THOC7: variants seen among roughly 807,000 people sequenced by gnomAD.
The protein encoded by THOC7 is THO complex subunit 7, also known as NIF3L1-binding protein 1.
Under a neutral mutation model 33.1 loss-of-function variants are expected in THOC7, and 22 were observed. The observed-to-expected ratio is 0.66, with a 90% CI of 0.47 to 0.95. The LOEUF (loss-of-function observed/expected upper bound fraction) is 0.95, where lower values mean the gene tolerates loss of function less well. Among genes scored for constraint, THOC7 ranks in the 40% least tolerant of loss-of-function variants. The pLI, the probability that THOC7 is intolerant of heterozygous loss-of-function variation, is 0.00. For synonymous variants in THOC7, 77 were observed against 76.8 expected, an observed-to-expected ratio of 1.00 and a Z score of -0.01; for missense variants, 184 against 245.3, an observed-to-expected ratio of 0.75 and a Z score of 1.67.
At chr3:63,847,928 T>A (rs1026366176) in intron 1 of THOC7, among the ~76,000 whole-genome samples, 1 of 152,060 alleles carries the variant, frequency 6.6e-6, no homozygotes, top group Non-Finnish European at 1.5e-5. Flanking sequence ...TAGGCCATGA[T>A]GGGAATGGGG....
chr3:63,839,837 T>A, intron 1 of THOC7, 64 bp from the exon 2 acceptor site: 1 of 1,305,558 alleles, frequency 7.7e-7, no homozygotes, highest in Non-Finnish European at 1.1e-6. Flanking sequence ...AAATAACCAG[T>A]ATCACTGTTC....
intron 1 of THOC7, among the ~76,000 whole-genome samples, chr3:63,850,358 A>G (rs548338151): frequency 6.6e-6 from 1 of 150,510 alleles, no homozygotes; most frequent in East Asian, 2.0e-4. Flanking sequence ...GTACCACCAC[A>G]CCCAGCTAAT....
At chr3:63,844,729 C>T (rs190870678) in intron 1 of THOC7, among the ~76,000 whole-genome samples, 3 of 152,294 alleles carry the variant, frequency 2.0e-5, no homozygotes, top group Admixed American at 6.5e-5. Context: ...CATGTGATAC[C>T]TTTTGCCATG....
At chr3:63,840,363 G>A (rs1701730814) in intron 1 of THOC7, among the ~76,000 whole-genome samples, 1 of 152,086 alleles carries the variant, frequency 6.6e-6, no homozygotes, top group Admixed American at 6.6e-5. Context: ...GGGTGGCTAA[G>A]GGAGTATCAC....
At chr3:63,853,031 A>G (rs1168201283) in intron 1 of THOC7, among the ~76,000 whole-genome samples, 1 of 152,018 alleles carries the variant, frequency 6.6e-6, no homozygotes, top group Non-Finnish European at 1.5e-5. Flanking sequence ...CGCACCTGTA[A>G]TCGCAGCTAC....
intron 1 of THOC7, among the ~76,000 whole-genome samples, chr3:63,862,476 G>A (rs1419560899): frequency 6.6e-6 from 1 of 152,186 alleles, no homozygotes; most frequent in Non-Finnish European, 1.5e-5. Flanking sequence ...AAAAGTTCTT[G>A]CTTGTTAGTT....
intron 1 of THOC7, among the ~76,000 whole-genome samples, chr3:63,860,107 T>C (rs181791199): frequency 6.6e-5 from 10 of 152,178 alleles, no homozygotes; most frequent in Non-Finnish European, 1.5e-4. Flanking sequence ...TAGCTGGGAC[T>C]ACCTACAGGT....
chr3:63,864,057 C>T (rs1702325082), upstream of THOC7, among the ~76,000 whole-genome samples: 1 of 145,258 alleles, frequency 6.9e-6, no homozygotes, highest in African/African-American at 2.5e-5. Flanking sequence ...GCTTGGCGGC[C>T]GGCGGCGGCC....
rs1381633348 is a variant in THOC7 at position 63,838,595 on chromosome 3, G to C, written c.138-96C>G. ...ACAAATATTTGCTAATTAAATTATA[G>C]CAAGTTCTGAGAGAATCATTTGCTT... On this transcript the variant is annotated intron_variant, in intron 2 of 7. Transcript: ENST00000295899. 3 of 1,228,082 alleles carry C rather than the reference G, an allele frequency of 2.4e-6. No homozygotes were observed. The African/African-American group carries it at 4.8e-5, about 20-fold the overall frequency. The allele number at this position is 1,228,082 out of a possible 1,614,324, so 76.1% of individuals were successfully genotyped here. A position where few individuals can be genotyped will look rare whatever the true frequency, so the allele number is the denominator to read the frequency against.
chr3:63,834,585 G>T (rs1247884230), intron 7 of THOC7, among the ~76,000 whole-genome samples: 25 of 151,736 alleles, frequency 1.6e-4, no homozygotes, highest in Admixed American at 1.6e-3. Flanking sequence ...ACTTGAGCCT[G>T]CAAGGTGAGG....
intron 1 of THOC7, among the ~76,000 whole-genome samples, chr3:63,853,331 C>G (rs1702054037): frequency 6.6e-6 from 1 of 152,094 alleles, no homozygotes; most frequent in Non-Finnish European, 1.5e-5. Context: ...TTCACAGGCC[C>G]TCCTCCCACT....
At chr3:63,853,961 G>A (rs544498554) in intron 1 of THOC7, among the ~76,000 whole-genome samples, 30 of 151,836 alleles carry the variant, frequency 2.0e-4, no homozygotes, top group Non-Finnish European at 4.0e-4. Context: ...ATAAAAGTCA[G>A]AGTAAATGTT....
chr3:63,857,965 T>G (rs566700282), intron 1 of THOC7, among the ~76,000 whole-genome samples: 106 of 152,054 alleles, frequency 7.0e-4, no homozygotes, highest in Non-Finnish European at 1.2e-4. Flanking sequence ...ATCCCTGTGT[T>G]GGGGCCACAG....
chr3:63,863,029 A>G (rs966695978), intron 1 of THOC7: 1 of 152,292 alleles, frequency 6.6e-6, no homozygotes, highest in Non-Finnish European at 1.5e-5. Context: ...CGGTCTCATC[A>G]CTATACTGGC....
At chr3:63,848,899 C>T (rs1193541019) in intron 1 of THOC7, among the ~76,000 whole-genome samples, 1 of 152,054 alleles carries the variant, frequency 6.6e-6, no homozygotes, top group Non-Finnish European at 1.5e-5. Flanking sequence ...AAAACAGAAA[C>T]ATTTGCTTTT....
At chr3:63,843,370 G>A (rs933917398) in intron 1 of THOC7, among the ~76,000 whole-genome samples, 3 of 150,226 alleles carry the variant, frequency 2.0e-5, no homozygotes, top group Non-Finnish European at 3.0e-5. Context: ...CGCCTACCTC[G>A]GCCTCTCAAA....
At chr3:63,836,387 T>C in intron 4 of THOC7, 29 bp from the exon 5 acceptor site, 1 of 1,605,868 alleles carries the variant, frequency 6.2e-7, no homozygotes, top group Non-Finnish European at 8.5e-7. Flanking sequence ...TTTATCAAAC[T>C]AAGGATTTTT....
intron 1 of THOC7, among the ~76,000 whole-genome samples, chr3:63,858,181 C>A (rs1410370274): frequency 6.6e-6 from 1 of 152,170 alleles, no homozygotes; most frequent in Non-Finnish European, 1.5e-5. Context: ...TGAAAAGTGT[C>A]CTGGTTTACA....
chr3:63,849,332 G>T (rs780825792), intron 1 of THOC7, among the ~76,000 whole-genome samples: 21 of 152,120 alleles, frequency 1.4e-4, no homozygotes, highest in Non-Finnish European at 2.4e-4. Flanking sequence ...AGGTTGCAGC[G>T]GGCCAAGACT....
Sources: gnomAD v4.1 joint callset for allele counts (sites outside exome capture counted in the v4.1 genomes callset) on GRCh38, gnomAD v4.1.1 for gene constraint, MANE v1.5 for transcripts, NCBI Gene and HGNC (gene_info 2026-07-23, HGNC 2026-07-21) for gene names.